Variants in ITPK1 observed in about 807,000 individuals in gnomAD.
ITPK1 encodes inositol-tetrakisphosphate 1-kinase.
A neutral mutation model predicts 45.3 loss-of-function variants in ITPK1; 21 were observed. The ratio of observed to expected loss-of-function variants is 0.46; its 90% CI spans 0.33 to 0.67. ITPK1 has a LOEUF of 0.67. Among genes scored for constraint, ITPK1 ranks in the 30% least tolerant of loss-of-function variants. The pLI, the probability that ITPK1 is intolerant of heterozygous loss-of-function variation, is 0.02. For synonymous variants in ITPK1, 258 were observed against 253.6 expected, an observed-to-expected ratio of 1.02 and a Z score of -0.16; for missense variants, 474 against 573.5, an observed-to-expected ratio of 0.83 and a Z score of 1.77.
At chr14:92,988,673 G>A (rs952184724) in intron 5 of ITPK1, among the ~76,000 whole-genome samples, 7 of 152,186 alleles carry the variant, frequency 4.6e-5, no homozygotes, top group Non-Finnish European at 8.8e-5. Context: ...GTGAGGGACA[G>A]GGCTTGGGAA....
At chr14:92,957,551 G>T (rs547706011) in intron 8 of ITPK1, among the ~76,000 whole-genome samples, 3 of 152,324 alleles carry the variant, frequency 2.0e-5, no homozygotes, top group Admixed American at 6.5e-5. Flanking sequence ...CTGGGAGGCT[G>T]CTTCTCAGGC....
intron 9 of ITPK1, among the ~76,000 whole-genome samples, chr14:92,949,228 C>T (rs1417841204): frequency 6.6e-6 from 1 of 152,120 alleles, no homozygotes; most frequent in Non-Finnish European, 1.5e-5. Context: ...TGAGTAGCCG[C>T]AACTACAGGC....
At chr14:93,073,259 G>A (rs1167983236) in intron 3 of ITPK1, among the ~76,000 whole-genome samples, 1 of 152,224 alleles carries the variant, frequency 6.6e-6, no homozygotes, top group Admixed American at 6.5e-5. Flanking sequence ...CTGACCCCAG[G>A]CGGCCCTGCG....
Position 92,958,578 on chromosome 14 carries a change from A to C in ITPK1, c.505-212T>G, listed in dbSNP as rs1051664370. On this transcript the variant is annotated intron_variant, in intron 7 of 10. Transcript: ENST00000267615. This position sits in a 1 kb window ranked among gnomAD's most constrained non-coding sequence, Gnocchi z 4.4. ...TGCATCCCTTCTGCCACGGGGTTGGAGATCCTCCCTTCACCGGGCCTGCCA... is the reference window on the plus strand; with the variant it reads ...TGCATCCCTTCTGCCACGGGGTTGGCGATCCTCCCTTCACCGGGCCTGCCA... Among the ~76,000 whole-genome samples the C allele has an allele frequency of 6.6e-6, 1 of 152,150 alleles. No homozygotes were observed. The highest frequency in any genetic ancestry group is 2.4e-5 in the African/African-American group (1 of 41,430).
intron 2 of ITPK1, among the ~76,000 whole-genome samples, chr14:93,109,235 G>A (rs943499684): frequency 6.6e-5 from 10 of 152,194 alleles, no homozygotes; most frequent in Admixed American, 6.5e-4. Flanking sequence ...TTCTCCAAAT[G>A]AAGCAGCGAT....
At chr14:92,955,773 G>GA (rs1252580752) in intron 8 of ITPK1, among the ~76,000 whole-genome samples, 1 of 152,218 alleles carries the variant, frequency 6.6e-6, no homozygotes, top group Non-Finnish European at 1.5e-5. Flanking sequence ...CCCACTCAAG[G>GA]AACCCCCATC....
chr14:93,040,590 C>T lies in ITPK1; in HGVS notation c.121-23789G>A, dbSNP rs1461030544. Reference sequence around the variant, plus strand: ...CCCCAAATGCTAAGCTGGCTCGTGCCTTGAGGCTTCCTGCACGCAGTCCCT... The same window carrying T: ...CCCCAAATGCTAAGCTGGCTCGTGCTTTGAGGCTTCCTGCACGCAGTCCCT... On this transcript the variant is annotated intron_variant, in intron 3 of 10. Transcript: ENST00000267615. Among the ~76,000 whole-genome samples, 6 of 152,218 alleles carry T rather than the reference C, an allele frequency of 3.9e-5. No homozygotes were observed. In the East Asian group the frequency reaches 1.2e-3, roughly 29 times the overall value.
intron 2 of ITPK1, among the ~76,000 whole-genome samples, chr14:93,085,083 T>C (rs1891594749): frequency 6.6e-6 from 1 of 152,240 alleles, no homozygotes; most frequent in Non-Finnish European, 1.5e-5. Context: ...CAGCCCCGTG[T>C]CACCCCTGCC....
Position 92,958,081 on chromosome 14 carries a change from T to C in ITPK1, c.670+120A>G. On this transcript the variant is annotated intron_variant, in intron 8 of 10. Transcript: ENST00000267615. The surrounding 1 kb of genome is among the most constrained non-coding windows in gnomAD (Gnocchi z 4.4). Reference sequence around the variant, plus strand: ...CAACTGTTTCCACCTTTAGAGCACCTCTCCATCCCACCAAGAACACAGGGT... The same window carrying C: ...CAACTGTTTCCACCTTTAGAGCACCCCTCCATCCCACCAAGAACACAGGGT... 1 of 929,848 alleles carries C rather than the reference T, an allele frequency of 1.1e-6. No individual in the cohort carries two copies. Among genetic ancestry groups the C allele is most frequent in the Non-Finnish European group, 1.7e-6 (1 of 584,436 alleles). 57.6% of individuals were successfully genotyped at this position (929,848 alleles called of 1,614,324 possible).
At chr14:92,988,771 A>C (rs1412511130) in intron 5 of ITPK1, among the ~76,000 whole-genome samples, 1 of 152,202 alleles carries the variant, frequency 6.6e-6, no homozygotes, top group Non-Finnish European at 1.5e-5. Flanking sequence ...CTTAAGATCA[A>C]AGCCCCTCAG....
intron 5 of ITPK1, among the ~76,000 whole-genome samples, chr14:92,984,901 C>G (rs118032404): frequency 1.3e-5 from 2 of 152,356 alleles, no homozygotes; most frequent in East Asian, 3.9e-4. Context: ...ATATGAGAGA[C>G]AGTCTGCAAA....
intron 5 of ITPK1, among the ~76,000 whole-genome samples, chr14:92,970,109 C>T (rs1002224267): frequency 8.5e-5 from 13 of 152,162 alleles, no homozygotes; most frequent in African/African-American, 3.1e-4. Flanking sequence ...GTAGCAGCTA[C>T]AGAACTTACA....
At position 93,076,378 on chromosome 14, in the gene ITPK1, C is replaced by T. The variant is rs1200607484; in HGVS notation, c.120+217G>A. ...CCCAAACCAACCCTCTCCCCACTGA[C>T]AAAGCCACAGCAACCCTCCAAACCC... On this transcript the variant is annotated intron_variant, in intron 3 of 10. Coordinates refer to ENST00000267615, the MANE Select transcript of ITPK1 (RefSeq NM_014216.6). This position sits in a 1 kb window ranked among gnomAD's most constrained non-coding sequence, Gnocchi z 4.3. Among the ~76,000 whole-genome samples the T allele has an allele frequency of 6.6e-6, 1 of 152,064 alleles. No individual in the cohort carries two copies. The highest frequency in any genetic ancestry group is 2.4e-5 in the African/African-American group (1 of 41,386).
chr14:93,052,090 T>A (rs1386102842), intron 3 of ITPK1, among the ~76,000 whole-genome samples: 1 of 152,144 alleles, frequency 6.6e-6, no homozygotes, highest in East Asian at 1.9e-4. Context: ...AGCACAGAGA[T>A]TTGGGTGGCA....
intron 3 of ITPK1, among the ~76,000 whole-genome samples, chr14:93,042,900 C>T (rs1889617376): frequency 6.6e-6 from 1 of 152,134 alleles, no homozygotes; most frequent in Non-Finnish European, 1.5e-5. Flanking sequence ...CACCTGCAAT[C>T]GCAGCTACTC....
At chr14:92,974,798 G>A (rs1429080436) in intron 5 of ITPK1, among the ~76,000 whole-genome samples, 2 of 152,252 alleles carry the variant, frequency 1.3e-5, no homozygotes, top group Non-Finnish European at 1.5e-5. Flanking sequence ...AAGGCAGCCT[G>A]GAGTGAGTCT....
At position 92,958,175 on chromosome 14, in the gene ITPK1, C is replaced by A; in HGVS notation, c.670+26G>T. 6.2e-7 allele frequency: 1 copy of A among 1,613,040 alleles called. No homozygotes were observed. The highest frequency in any genetic ancestry group is 8.5e-7 in the Non-Finnish European group (1 of 1,179,128). On this transcript the variant is annotated intron_variant, in intron 8 of 10. Coordinates refer to ENST00000267615, the MANE Select transcript of ITPK1 (RefSeq NM_014216.6). The surrounding 1 kb of genome is among the most constrained non-coding windows in gnomAD (Gnocchi z 4.4). ...AGCTGGGCCCCTGAGTCTTGCTCAG[C>A]CCAAGATGGTGAGAAGAGCAGTTAC...
At position 93,051,270 on chromosome 14, in the gene ITPK1, A is replaced by G. The variant is rs140663364; in HGVS notation, c.120+25325T>C. Among the ~76,000 whole-genome samples the G allele has an allele frequency of 4.4e-4, 67 of 152,304 alleles. No individual in the cohort carries two copies. In the East Asian group the frequency reaches 0.012, roughly 28 times the overall value. On this transcript the variant is annotated intron_variant, in intron 3 of 10. Transcript: ENST00000267615. ...GGTTTTCAAACTCTCTCTGACCTCA[A>G]ATGTCTTTCCTGAAATGAAATCTAA...
chr14:92,961,507 C>G (rs903356763), intron 7 of ITPK1, among the ~76,000 whole-genome samples: 1 of 152,232 alleles, frequency 6.6e-6, no homozygotes, highest in African/African-American at 2.4e-5. Flanking sequence ...TGATTCTAAG[C>G]AGCCCTCTTT....
Sources: allele counts gnomAD v4.1 joint callset (sites outside exome capture counted in the v4.1 genomes callset), GRCh38; gene constraint gnomAD v4.1.1; non-coding constraint Gnocchi (gnomAD v3.1); transcripts MANE v1.5; gene names NCBI Gene and HGNC (gene_info 2026-07-23, HGNC 2026-07-21).